Variants in SNX9 observed in about 807,000 individuals in gnomAD.
The protein encoded by SNX9 is sorting nexin 9.
A neutral mutation model predicts 89.4 loss-of-function variants in SNX9; 44 were observed. That is an observed-to-expected ratio of 0.49 (90% CI 0.39 to 0.63). The LOEUF (loss-of-function observed/expected upper bound fraction) is 0.63, where lower values mean the gene tolerates loss of function less well. SNX9 is among the 30% of genes least tolerant of loss of function. SNX9 has a pLI of 0.00. For missense variants in SNX9, 578 were observed against 736.1 expected, an observed-to-expected ratio of 0.79 and a Z score of 2.49; for synonymous variants, 236 against 247.8, an observed-to-expected ratio of 0.95 and a Z score of 0.45.
At chr6:157,871,541 G>T (rs1020871634) in intron 2 of SNX9, among the ~76,000 whole-genome samples, 1 of 152,092 alleles carries the variant, frequency 6.6e-6, no homozygotes, top group African/African-American at 2.4e-5. Flanking sequence ...GGTGGGAGGA[G>T]GGGGGAGGGA....
intron 1 of SNX9, among the ~76,000 whole-genome samples, chr6:157,830,809 C>T (rs559157162): frequency 1.3e-5 from 2 of 152,266 alleles, no homozygotes; most frequent in East Asian, 3.9e-4. Flanking sequence ...ATTGCCTTTT[C>T]TCCATTCTTT....
At chr6:157,880,992 T>G (rs1782611321) in intron 4 of SNX9, among the ~76,000 whole-genome samples, 1 of 152,250 alleles carries the variant, frequency 6.6e-6, no homozygotes, top group Non-Finnish European at 1.5e-5. Flanking sequence ...AGTTATCTCA[T>G]ATACCACTGC....
chr6:157,842,852 C>A (rs1029117470), intron 1 of SNX9, among the ~76,000 whole-genome samples: 3 of 152,100 alleles, frequency 2.0e-5, no homozygotes, highest in African/African-American at 7.2e-5. Context: ...GGCTACATGA[C>A]CCCGAAATTG....
chr6:157,894,689 T>C (rs1782943193), intron 4 of SNX9, among the ~76,000 whole-genome samples: 1 of 152,222 alleles, frequency 6.6e-6, no homozygotes, highest in African/African-American at 2.4e-5. Flanking sequence ...AAAAGAAGTA[T>C]GAAAGTCCCT....
At chr6:157,867,419 C>T (rs1782286623) in intron 1 of SNX9, 128 bp from the exon 2 acceptor site, 1 of 666,764 alleles carries the variant, frequency 1.5e-6, no homozygotes, top group Non-Finnish European at 2.6e-6. Flanking sequence ...GTCTTCCTTT[C>T]TTCCAAAACA....
At chr6:157,859,502 T>C (rs367905255) in intron 1 of SNX9, among the ~76,000 whole-genome samples, 1 of 152,254 alleles carries the variant, frequency 6.6e-6, no homozygotes, top group African/African-American at 2.4e-5. Context: ...TAGTAGAAGC[T>C]ATATTGGGGT....
At chr6:157,883,331 G>A (rs778338075) in intron 4 of SNX9, among the ~76,000 whole-genome samples, 2 of 152,136 alleles carry the variant, frequency 1.3e-5, no homozygotes, top group African/African-American at 2.4e-5. Context: ...TTAACGTGAT[G>A]GACTGGAACC....
intron 3 of SNX9, among the ~76,000 whole-genome samples, chr6:157,873,410 C>G (rs1782455791): frequency 6.7e-6 from 1 of 149,844 alleles, no homozygotes; most frequent in Admixed American, 6.6e-5. Context: ...AAGTTTCTTC[C>G]AGGGATAGCA....
rs141939312 is a variant in SNX9 at position 157,866,942 on chromosome 6, GTGTT to G, written c.13-591_13-588del. 4.7e-3 allele frequency among the ~76,000 whole-genome samples: 715 copies of G among 152,074 alleles called. 2 individuals carry two copies. Among genetic ancestry groups the G allele is most frequent in the Non-Finnish European group, 6.4e-3 (437 of 67,986 alleles). ...TCTGTTGTTGTTGTTAATGAAATAG[GTGTT>G]TGTTTGTTTGTTTTTTTAAGAGACT... is the stretch of plus-strand genomic sequence containing the variant. On this transcript the variant is annotated intron_variant, in intron 1 of 17. Coordinates refer to ENST00000392185, the MANE Select transcript of SNX9 (RefSeq NM_016224.5).
chr6:157,893,777 T>C (rs1457545181), intron 4 of SNX9, among the ~76,000 whole-genome samples: 1 of 152,184 alleles, frequency 6.6e-6, no homozygotes, highest in Non-Finnish European at 1.5e-5. Context: ...AAAATCAGTA[T>C]TTTAACTCAA....
At chr6:157,910,662 G>A (rs765504096) in intron 9 of SNX9, among the ~76,000 whole-genome samples, 6 of 151,954 alleles carry the variant, frequency 3.9e-5, no homozygotes, top group Non-Finnish European at 7.4e-5. Flanking sequence ...GAATCTTTTG[G>A]TAAGTAACCC....
intron 1 of SNX9, among the ~76,000 whole-genome samples, chr6:157,825,398 A>C (rs1357309078): frequency 6.6e-6 from 1 of 152,232 alleles, no homozygotes; most frequent in African/African-American, 2.4e-5. Context: ...TTTAGCAACT[A>C]GTGCAGGTAT....
At chr6:157,827,990 A>C (rs1781413580) in intron 1 of SNX9, among the ~76,000 whole-genome samples, 1 of 152,054 alleles carries the variant, frequency 6.6e-6, no homozygotes, top group Non-Finnish European at 1.5e-5. Flanking sequence ...TGAATTACTT[A>C]AGACTTGTTT....
intron 1 of SNX9, among the ~76,000 whole-genome samples, chr6:157,862,468 T>G (rs952462818): frequency 2.6e-5 from 4 of 152,228 alleles, no homozygotes; most frequent in African/African-American, 9.6e-5. Context: ...GTCAAATCAT[T>G]CTTTCCCTGG....
chr6:157,854,935 G>A (rs1431388060), intron 1 of SNX9, among the ~76,000 whole-genome samples: 4 of 147,226 alleles, frequency 2.7e-5, no homozygotes, highest in African/African-American at 7.6e-5. Context: ...TTTTTTTGAC[G>A]GGATAATAGG....
At chr6:157,873,233 T>C in intron 3 of SNX9, 57 bp downstream of exon 3, 1 of 1,416,424 alleles carries the variant, frequency 7.1e-7, no homozygotes, top group South Asian at 1.5e-5. Context: ...CATCTTTTTA[T>C]GAATTATCAA....
At chr6:157,894,465 T>TAAAAAAAA (rs1173887333) in intron 4 of SNX9, among the ~76,000 whole-genome samples, 2 of 100,732 alleles carry the variant, frequency 2.0e-5, no homozygotes, top group Non-Finnish European at 4.0e-5. Flanking sequence ...ATTTAAATGT[T>TAAAAAAAA]AAAAAAAAAA....
At chr6:157,910,474 C>T (rs1375759700) in intron 9 of SNX9, among the ~76,000 whole-genome samples, 1 of 152,176 alleles carries the variant, frequency 6.6e-6, no homozygotes, top group Non-Finnish European at 1.5e-5. Context: ...GACAGAGAAG[C>T]CACAGAACTA....
chr6:157,887,080 T>C (rs1346929191), intron 4 of SNX9, among the ~76,000 whole-genome samples: 1 of 152,210 alleles, frequency 6.6e-6, no homozygotes, highest in African/African-American at 2.4e-5. Context: ...ATGTCAGACA[T>C]TGCAATTTTC....
Sources: allele counts gnomAD v4.1 joint callset (sites outside exome capture counted in the v4.1 genomes callset), GRCh38; gene constraint gnomAD v4.1.1; transcripts MANE v1.5; gene names NCBI Gene and HGNC (gene_info 2026-07-23, HGNC 2026-07-21).